Variants in FLNB observed in about 807,000 individuals in gnomAD.
FLNB encodes the protein filamin B, also known as filamin-B.
Under a neutral mutation model 250.6 loss-of-function variants are expected in FLNB, and 111 were observed. The ratio of observed to expected loss-of-function variants is 0.44; its 90% CI spans 0.38 to 0.52. The LOEUF (loss-of-function observed/expected upper bound fraction) is 0.52, where lower values mean the gene tolerates loss of function less well. Among genes scored for constraint, FLNB ranks in the 20% least tolerant of loss-of-function variants. The pLI is 0.00. For synonymous variants in FLNB, 1,302 were observed against 1,372.1 expected (o/e 0.95, Z 1.13); for missense variants, 2,869 against 3,447.8 (o/e 0.83, Z 4.20).
chr3:58,051,513 G>T (rs889806876), intron 1 of FLNB, among the ~76,000 whole-genome samples: 1 of 152,106 alleles, frequency 6.6e-6, no homozygotes, highest in Non-Finnish European at 1.5e-5. Flanking sequence ...GTGGATAAAG[G>T]GTCGTCGTCT....
chr3:58,113,777 C>T (rs2097273046), intron 18 of FLNB, among the ~76,000 whole-genome samples: 2 of 152,192 alleles, frequency 1.3e-5, no homozygotes, highest in African/African-American at 2.4e-5. Flanking sequence ...CTCCCAGGTT[C>T]AAGCGATTCT....
chr3:58,062,765 G>A (rs1172666808), intron 1 of FLNB, among the ~76,000 whole-genome samples: 1 of 152,140 alleles, frequency 6.6e-6, no homozygotes, highest in African/African-American at 2.4e-5. Flanking sequence ...CAGCTCTTGT[G>A]GTCATTAGCA....
In FLNB at chr3:58,077,308, G is replaced by A; in HGVS notation, c.541+14G>A. ...GCTGTGCTCCAGGTAAGTGGCCAGG[G>A]CTGCCTAAACCATCTGTCCAGGATG... On this transcript the variant is annotated intron_variant, in intron 2 of 45. Transcript: ENST00000295956. The A allele has an allele frequency of 3.7e-6, 6 of 1,613,424 alleles. No individual in the cohort carries two copies. Among genetic ancestry groups the A allele is most frequent in the Non-Finnish European group, 5.1e-6 (6 of 1,179,770 alleles).
intron 42 of FLNB, 84 bp from the exon 43 acceptor site, chr3:58,163,070 G>A (rs2097364301): frequency 7.2e-7 from 1 of 1,380,134 alleles, no homozygotes. Context: ...GGCCATCTCA[G>A]CTTGGCCTCC....
intron 8 of FLNB, among the ~76,000 whole-genome samples, chr3:58,100,373 A>AAAAAT: frequency 9.6e-6 from 1 of 104,386 alleles, no homozygotes; most frequent in African/African-American, 4.6e-5. Flanking sequence ...GTAAAAAAAA[A>AAAAAT]ATATATATAT....
chr3:58,011,900 T>A (rs576513704), intron 1 of FLNB, among the ~76,000 whole-genome samples: 7 of 152,134 alleles, frequency 4.6e-5, no homozygotes, highest in Non-Finnish European at 8.8e-5. Context: ...TAAGGTGCTG[T>A]CTAATAATTA....
rs1339642952 is a variant in FLNB, at chr3:58,103,264, G to A, written c.1484-695G>A. 1.5e-3 allele frequency among the ~76,000 whole-genome samples: 151 copies of A among 101,628 alleles called. 4 individuals carry two copies. The Admixed American group carries it at 0.016, about 11-fold the overall frequency. The allele number at this position is 101,628 out of a possible 152,430, so 66.7% of individuals were successfully genotyped here. A position where few individuals can be genotyped will look rare whatever the true frequency, so the allele number is the denominator to read the frequency against. ...AGATTATTCCAACAGGAGCCAAGGAGGGTGTGTGTGTGTGTGTGTGTGTGT... is the reference window on the plus strand; with the variant it reads ...AGATTATTCCAACAGGAGCCAAGGAAGGTGTGTGTGTGTGTGTGTGTGTGT... On this transcript the variant is annotated intron_variant, in intron 9 of 45. Coordinates refer to ENST00000295956, the MANE Select transcript of FLNB (RefSeq NM_001457.4).
chr3:58,138,555 A>C (rs781103722), intron 29 of FLNB, 26 bp downstream of exon 29: 1 of 1,613,958 alleles, frequency 6.2e-7, no homozygotes, highest in Non-Finnish European at 8.5e-7. Flanking sequence ...TCTCCCGAGC[A>C]TGCTGTTATT....
At position 58,123,560 on chromosome 3, in the gene FLNB, G is replaced by A. The variant is rs143566075; in HGVS notation, c.3594G>A (p.Thr1198=). The change falls in exon 21 of 46, where the codon ACG becomes ACA. Residue 1198 remains threonine (T), a synonymous_variant. Coordinates refer to ENST00000295956, the MANE Select transcript of FLNB (RefSeq NM_001457.4). ...GTYAVTYVPL[T]AGMYTLTMKY... is the part of the protein sequence containing the mutation. ...ACGCGGTGACCTACGTGCCCCTGACGGCCGGCATGTACACGTTGACCATGA... is the reference window on the plus strand; with the variant it reads ...ACGCGGTGACCTACGTGCCCCTGACAGCCGGCATGTACACGTTGACCATGA... The A allele has an allele frequency of 3.2e-4, 521 of 1,608,388 alleles. 1 individual carries two copies. The Middle Eastern group carries it at 4.3e-3, about 13-fold the overall frequency.
chr3:58,145,938 T>C lies in FLNB; in HGVS notation c.5443T>C (p.Tyr1815His). ...AAACCCAGAGAGCCCACTCCAGTTC[T>C]ACGTGAACTACCCCAACAGTGGAAG... The part of the protein sequence containing the change: ...SHIPESPLQF[Y>H]VNYPNSGSVS... Residue 1815 changes from tyrosine to histidine, a missense_variant, in exon 33 of 46, where the codon TAC (tyrosine) becomes CAC (histidine). Tyr to His is a moderately conservative substitution (Grantham distance 83). This residue lies in a region of FLNB where 1,084 missense variants were observed against 1,315.5 expected (regional missense o/e 0.82). Transcript: ENST00000295956. 1.9e-6 allele frequency: 3 copies of C among 1,614,218 alleles called. No individual in the cohort carries two copies. The highest frequency in any genetic ancestry group is 2.5e-6 in the Non-Finnish European group (3 of 1,180,038).
chr3:58,022,609 G>A (rs1204902665), intron 1 of FLNB, among the ~76,000 whole-genome samples: 1 of 152,174 alleles, frequency 6.6e-6, no homozygotes, highest in Non-Finnish European at 1.5e-5. Flanking sequence ...TGTGATAAAC[G>A]CTTCTTACTA....
chr3:58,032,428 C>T (rs2097132328), intron 1 of FLNB, among the ~76,000 whole-genome samples: 1 of 152,150 alleles, frequency 6.6e-6, no homozygotes, highest in Non-Finnish European at 1.5e-5. Flanking sequence ...TGCTTGTGAA[C>T]GTGGCAGACT....
In FLNB at chr3:58,125,696, G is replaced by A; in HGVS notation, c.4014G>A (p.Leu1338=). 6.2e-7 allele frequency: 1 copy of A among 1,614,172 alleles called. No individual in the cohort carries two copies. Residue 1338 remains leucine, a synonymous_variant, in exon 23 of 46, where the codon TTG becomes TTA. Coordinates refer to ENST00000295956, the MANE Select transcript of FLNB (RefSeq NM_001457.4). ...PSRVQAQGPG[L]KEAFTNKPNV... ...GGGTGCAAGCCCAAGGACCTGGATT[G>A]AAAGAGGCCTTTACCAACAAGCCCA...
intron 42 of FLNB, among the ~76,000 whole-genome samples, chr3:58,162,308 G>A (rs2097363139): frequency 6.6e-6 from 1 of 152,136 alleles, no homozygotes; most frequent in African/African-American, 2.4e-5. Flanking sequence ...CCCTGGGCAG[G>A]AGGGCTTCAA....
intron 36 of FLNB, chr3:58,149,115 C>T (rs892081667): frequency 4.5e-5 from 22 of 491,172 alleles, no homozygotes; most frequent in South Asian, 2.9e-4. Context: ...CACAACACCT[C>T]GCAAACCCCT....
rs771082269 is a variant in FLNB at position 58,146,016 on chromosome 3, A to G, written c.5521A>G (p.Thr1841Ala). The G allele has an allele frequency of 6.8e-6, 11 of 1,614,168 alleles. No individual in the cohort carries two copies. The highest frequency in any genetic ancestry group is 9.3e-6 in the Non-Finnish European group (11 of 1,180,028). Residue 1841 changes from threonine to alanine, a missense_variant, in exon 33 of 46, where the codon ACC (threonine) becomes GCC (alanine). By Grantham distance (58) the Thr-to-Ala change is moderately conservative. Coordinates refer to ENST00000295956, the MANE Select transcript of FLNB (RefSeq NM_001457.4). ...GTATGGAGTGGCCAACAAAACTGCC[A>G]CCTTCACCATCGTCACAGAGGATGC... Reference protein sequence around the residue: ...LVYGVANKTATFTIVTEDAGE... With the variant: ...LVYGVANKTAAFTIVTEDAGE...
rs1576679057 is a variant in FLNB at position 58,078,821 on chromosome 3, A to G, written c.639+7A>G. Reference sequence around the variant, plus strand: ...CTGGCTGGGTGTCCCACAGGTATGCACAAGTGTGCCAGGTCCTGTGAGGCT... The same window carrying G: ...CTGGCTGGGTGTCCCACAGGTATGCGCAAGTGTGCCAGGTCCTGTGAGGCT... On this transcript the variant is annotated splice_region_variant and intron_variant, in intron 3 of 45. Coordinates refer to ENST00000295956, the MANE Select transcript of FLNB (RefSeq NM_001457.4). The G allele has an allele frequency of 7.5e-6, 12 of 1,608,170 alleles. No individual in the cohort carries two copies. The highest frequency in any genetic ancestry group is 9.4e-6 in the Non-Finnish European group (11 of 1,176,258).
chr3:58,078,498 A>T, intron 2 of FLNB: 1 of 1,536,328 alleles, frequency 6.5e-7, no homozygotes, highest in Non-Finnish European at 8.7e-7. Flanking sequence ...GCAAGAACAT[A>T]GCACCCGGAG....
intron 19 of FLNB, among the ~76,000 whole-genome samples, chr3:58,121,012 G>C (rs751294420): frequency 6.6e-6 from 1 of 152,196 alleles, no homozygotes. Flanking sequence ...AATGATAGCC[G>C]TTATTGCTGT....
Sources: gnomAD v4.1 joint callset for allele counts (sites outside exome capture counted in the v4.1 genomes callset) on GRCh38, gnomAD v4.1.1 for gene constraint, gnomAD v4.1.1 regional missense constraint, MANE v1.5 for transcripts, NCBI Gene and HGNC (gene_info 2026-07-23, HGNC 2026-07-21) for gene names.